The following SNX10 variants were observed in gnomAD, a reference collection of about 807,000 sequenced individuals.
SNX10 encodes the protein sorting nexin 10.
Under a neutral mutation model 28.5 loss-of-function variants are expected in SNX10, and 25 were observed. The ratio of observed to expected loss-of-function variants is 0.88; its 90% CI spans 0.64 to 1.22. The LOEUF is 1.22. Among genes scored for constraint, SNX10 ranks in the 50% most tolerant of loss-of-function variants. The pLI is 0.00. For missense variants in SNX10, 223 were observed against 242.6 expected (o/e 0.92, Z 0.54); for synonymous variants, 62 against 81.4 (o/e 0.76, Z 1.28).
intron 2 of SNX10, among the ~76,000 whole-genome samples, chr7:26,351,695 C>T (rs894375496): frequency 7.4e-5 from 10 of 135,034 alleles, no homozygotes; most frequent in South Asian, 2.4e-4. Context: ...CTCTCTCTGT[C>T]GCCCAGGCTG....
intron 1 of SNX10, among the ~76,000 whole-genome samples, chr7:26,319,858 C>G (rs903662880): frequency 4.6e-5 from 7 of 152,038 alleles, no homozygotes; most frequent in Admixed American, 1.3e-4. Context: ...GTTTCCTTCC[C>G]TAGTACTGGT....
intron 1 of SNX10, among the ~76,000 whole-genome samples, chr7:26,304,863 C>T (rs1350645990): frequency 6.6e-6 from 1 of 152,162 alleles, no homozygotes; most frequent in Admixed American, 6.5e-5. Flanking sequence ...ACTCCGGGTT[C>T]CTTAATCTCC....
chr7:26,310,911 C>A (rs1403887198), intron 1 of SNX10, among the ~76,000 whole-genome samples: 1 of 151,994 alleles, frequency 6.6e-6, no homozygotes, highest in African/African-American at 2.4e-5. Context: ...TCTCAATCTC[C>A]GGACCTCGTG....
At chr7:26,300,592 C>A (rs1441008830) in intron 1 of SNX10, among the ~76,000 whole-genome samples, 1 of 152,080 alleles carries the variant, frequency 6.6e-6, no homozygotes, top group African/African-American at 2.4e-5. Flanking sequence ...GGTGAGTGTT[C>A]CCAGTTGCCT....
chr7:26,330,767 C>T (rs566851990), intron 1 of SNX10, among the ~76,000 whole-genome samples: 170 of 152,200 alleles, frequency 1.1e-3, no homozygotes, highest in African/African-American at 4.1e-3. Context: ...CACCTGTAGT[C>T]GCAGCTACTC....
At chr7:26,349,783 CT>C in intron 2 of SNX10, among the ~76,000 whole-genome samples, 1 of 152,132 alleles carries the variant, frequency 6.6e-6, no homozygotes, top group East Asian at 1.9e-4. Flanking sequence ...CATTTTTATT[CT>C]TTTTATATTC....
chr7:26,325,304 AAAATATATAT>A (rs1787457020), intron 1 of SNX10, among the ~76,000 whole-genome samples: 1 of 3,922 alleles, frequency 2.5e-4, no homozygotes, highest in Non-Finnish European at 7.0e-4. Context: ...TGAAGTTTGC[AAAATATATAT>A]ATATATATAT....
chr7:26,364,712 A>G lies in SNX10; in HGVS notation c.212+77A>G, dbSNP rs1789221374. The G allele has an allele frequency of 3.9e-6, 4 of 1,024,504 alleles. 1 individual carries two copies. The South Asian group carries it at 6.2e-5, about 16-fold the overall frequency. 63.5% of individuals were successfully genotyped at this position (1,024,504 alleles called of 1,614,324 possible). On this transcript the variant is annotated intron_variant, in intron 4 of 6. Coordinates refer to ENST00000338523, the MANE Select transcript of SNX10 (RefSeq NM_013322.3). The surrounding 1 kb of genome is among the most constrained non-coding windows in gnomAD (Gnocchi z 4.9). ...AAAATTGACGTTCATTAAGATATAT[A>G]AGATATGAAGGATTTTTATAGGCTT...
intron 3 of SNX10, among the ~76,000 whole-genome samples, chr7:26,361,519 T>C (rs1789068318): frequency 6.6e-6 from 1 of 152,244 alleles, no homozygotes; most frequent in Non-Finnish European, 1.5e-5. Context: ...TTGTGATTAA[T>C]TTATCTAGAA....
chr7:26,293,373 C>T (rs868305816), intron 1 of SNX10, among the ~76,000 whole-genome samples: 2 of 151,870 alleles, frequency 1.3e-5, no homozygotes, highest in Non-Finnish European at 2.9e-5. Flanking sequence ...TGGCTAACTT[C>T]GGTATTTTTT....
intron 1 of SNX10, among the ~76,000 whole-genome samples, chr7:26,344,484 C>CT (rs1562807801): frequency 6.6e-6 from 1 of 152,150 alleles, no homozygotes; most frequent in African/African-American, 2.4e-5. Flanking sequence ...CTGAATGTGA[C>CT]TGCTCTTGGT....
chr7:26,356,343 T>C (rs1354438074), intron 2 of SNX10, among the ~76,000 whole-genome samples: 1 of 152,226 alleles, frequency 6.6e-6, no homozygotes, highest in African/African-American at 2.4e-5. Flanking sequence ...GGTTATTAAA[T>C]TGACTAACTG....
At chr7:26,337,666 T>C (rs1285479955) in intron 1 of SNX10, among the ~76,000 whole-genome samples, 1 of 152,230 alleles carries the variant, frequency 6.6e-6, no homozygotes, top group Non-Finnish European at 1.5e-5. Context: ...GGTTGAATGG[T>C]ACCCATTGTA....
At chr7:26,353,606 C>A (rs1165766060) in intron 2 of SNX10, among the ~76,000 whole-genome samples, 2 of 151,970 alleles carry the variant, frequency 1.3e-5, no homozygotes, top group African/African-American at 4.8e-5. Flanking sequence ...TGTGTGCCAC[C>A]ACACCTGGCT....
In SNX10 at chr7:26,372,615, T is replaced by A; in HGVS notation, c.*43T>A. 1 of 1,114,390 alleles carries A rather than the reference T, an allele frequency of 9.0e-7. No individual in the cohort carries two copies. The highest frequency in any genetic ancestry group is 1.4e-6 in the Non-Finnish European group (1 of 725,272). 69.0% of individuals were successfully genotyped at this position (1,114,390 alleles called of 1,614,324 possible). A position where few individuals can be genotyped will look rare whatever the true frequency, so the allele number is the denominator to read the frequency against. ...ACTATCTTAGGAATAGCAAATTATG[T>A]CCAGTCATAGAGAAGAAAGCTTCAT... On this transcript the variant is annotated 3_prime_UTR_variant, in exon 7 of 7. Transcript: ENST00000338523.
At chr7:26,372,332 A>G in intron 6 of SNX10, 159 bp from the exon 7 acceptor site, 4 of 644,554 alleles carry the variant, frequency 6.2e-6, no homozygotes, top group African/African-American at 1.8e-5. Context: ...AGCTAAAAAA[A>G]TACCCAACTG....
At chr7:26,342,591 T>A (rs954779707) in intron 1 of SNX10, among the ~76,000 whole-genome samples, 1 of 152,202 alleles carries the variant, frequency 6.6e-6, no homozygotes, top group Non-Finnish European at 1.5e-5. Flanking sequence ...CTATTTACTG[T>A]ATTTAAAATA....
intron 2 of SNX10, among the ~76,000 whole-genome samples, chr7:26,353,487 C>T (rs1036456197): frequency 1.7e-5 from 2 of 114,448 alleles, no homozygotes; most frequent in South Asian, 2.9e-4. Flanking sequence ...CTTGGTCTGT[C>T]GGCCAGGCTG....
intron 1 of SNX10, among the ~76,000 whole-genome samples, chr7:26,331,679 C>T (rs1386029890): frequency 6.6e-6 from 1 of 152,224 alleles, no homozygotes; most frequent in Non-Finnish European, 1.5e-5. Context: ...TCACCAAAGT[C>T]ACTTTTAGAG....
Sources: gnomAD v4.1 joint callset for allele counts (sites outside exome capture counted in the v4.1 genomes callset) on GRCh38, gnomAD v4.1.1 for gene constraint, Gnocchi (gnomAD v3.1) non-coding constraint, MANE v1.5 for transcripts, NCBI Gene and HGNC (gene_info 2026-07-23, HGNC 2026-07-21) for gene names.